GNAS: variants seen among roughly 807,000 people sequenced by gnomAD.
GNAS encodes the protein protein ALEX.
A neutral mutation model predicts 54.5 loss-of-function variants in GNAS; 8 were observed. That is an observed-to-expected ratio of 0.15 (90% CI 0.09 to 0.26). GNAS has a LOEUF of 0.26. Among genes scored for constraint, GNAS ranks in the 10% least tolerant of loss-of-function variants. GNAS has a pLI of 1.00. For missense variants in GNAS, 170 were observed against 529.8 expected (o/e 0.32, Z 6.67); for synonymous variants, 204 against 191.4 (o/e 1.07, Z -0.54).
chr20:58,843,503 T>G (rs2145489947), intron 1 of GNAS: 1 of 152,340 alleles, frequency 6.6e-6, no homozygotes, highest in East Asian at 1.9e-4. Flanking sequence ...CCTGCTCAAC[T>G]GGGGTTAGCA....
chr20:58,891,271 C>CCCTCCTCCT (rs1182454292), upstream of GNAS: 1 of 145,728 alleles, frequency 6.9e-6, no homozygotes, highest in South Asian at 1.9e-4. Flanking sequence ...CGCTCCTCGG[C>CCCTCCTCCT]CCTCCTCCTC....
chr20:58,901,921 C>G (rs1037802921), intron 3 of GNAS, among the ~76,000 whole-genome samples: 1 of 149,796 alleles, frequency 6.7e-6, no homozygotes, highest in Non-Finnish European at 1.5e-5. Context: ...CTCCCTTCGC[C>G]TTTCCTCTGC....
At chr20:58,859,919 C>T (rs544268114) in intron 1 of GNAS, among the ~76,000 whole-genome samples, 242 of 152,268 alleles carry the variant, frequency 1.6e-3, no homozygotes, top group African/African-American at 5.6e-3. Flanking sequence ...CCATCGCGCC[C>T]GGCCATAAGG....
chr20:58,871,641 A>T (rs918833726), intron 1 of GNAS, among the ~76,000 whole-genome samples: 17 of 150,568 alleles, frequency 1.1e-4, no homozygotes, highest in Non-Finnish European at 2.2e-4. Context: ...AAACAACAAA[A>T]AAAAAACCAA....
Position 58,903,804 on chromosome 20 carries a change from C to T in GNAS, c.432+13C>T. ...TGACTTCCCTCCCGTAAGCTACACCCCGACTTGTGTGGCCTTAGCCCCGCC... is the reference window on the plus strand; with the variant it reads ...TGACTTCCCTCCCGTAAGCTACACCTCGACTTGTGTGGCCTTAGCCCCGCC... On this transcript the variant is annotated intron_variant, in intron 5 of 12. Transcript: ENST00000371085. 3.1e-6 allele frequency: 5 copies of T among 1,613,942 alleles called. No homozygotes were observed. Among genetic ancestry groups the T allele is most frequent in the Non-Finnish European group, 4.2e-6 (5 of 1,179,914 alleles).
At chr20:58,885,293 G>A (rs1319983593) in intron 1 of GNAS, among the ~76,000 whole-genome samples, 2 of 152,132 alleles carry the variant, frequency 1.3e-5, no homozygotes, top group African/African-American at 2.4e-5. Context: ...GCTGCAAAAC[G>A]TCCTCTTTGC....
chr20:58,844,686 T>C (rs1488154579), intron 1 of GNAS, among the ~76,000 whole-genome samples: 1 of 10,434 alleles, frequency 9.6e-5, no homozygotes, highest in African/African-American at 2.4e-4. Context: ...ACACTAGTGA[T>C]TTAACCCTAA....
upstream of GNAS, among the ~76,000 whole-genome samples, chr20:58,891,092 C>A (rs932410706): frequency 7.4e-5 from 11 of 149,492 alleles, no homozygotes; most frequent in Admixed American, 3.9e-4. Context: ...CGCCCCCTCT[C>A]CCCCCTCGGC....
At chr20:58,850,418 T>C (rs2086111949) in intron 1 of GNAS, 1 of 397,506 alleles carries the variant, frequency 2.5e-6, no homozygotes. Flanking sequence ...CCTGAACCCG[T>C]TCCTCGACAA....
At position 58,841,511 on chromosome 20, in the gene GNAS, T is replaced by C; in HGVS notation, c.43+625T>C. The C allele has an allele frequency of 1.0e-6, 1 of 992,042 alleles. No individual in the cohort carries two copies. The highest frequency in any genetic ancestry group is 1.7e-5 in the African/African-American group (1 of 57,588). The allele number at this position is 992,042 out of a possible 1,614,324, so 61.5% of individuals were successfully genotyped here. On this transcript the variant is annotated intron_variant, in intron 1 of 12. Transcript: ENST00000306090. This position sits in a 1 kb window ranked among gnomAD's most constrained non-coding sequence, Gnocchi z 5.0. ...GAGCTGACAATTAAGCCGCGGGACC[T>C]CCGCGCCAGTGCCTCCAGCTGCCGT... is the stretch of plus-strand genomic sequence containing the variant.
Position 58,873,650 on chromosome 20 carries a change from G to A in GNAS, c.44-21962G>A, listed in dbSNP as rs1372946507. ...GCTCACGTGTCTGCCACGCCCCTTA[G>A]AAGGACGAATCCTTGCCTGGTCGGT... On this transcript the variant is annotated intron_variant, in intron 1 of 12. Coordinates refer to the GNAS transcript ENST00000306090. The surrounding 1 kb of genome is among the most constrained non-coding windows in gnomAD (Gnocchi z 4.3). 1.3e-5 allele frequency among the ~76,000 whole-genome samples: 2 copies of A among 152,192 alleles called. No homozygotes were observed. Among genetic ancestry groups the A allele is most frequent in the Non-Finnish European group, 2.9e-5 (2 of 68,034 alleles).
At chr20:58,895,710 G>C (rs561780731) in intron 2 of GNAS, 26 bp downstream of exon 2, 1 of 1,322,474 alleles carries the variant, frequency 7.6e-7, no homozygotes, top group African/African-American at 1.4e-5. Flanking sequence ...GTGCAGGGGG[G>C]CACCAAGTAA....
rs2085694866 is a variant in GNAS at position 58,840,943 on chromosome 20, T to G, written c.43+57T>G. The stretch of plus-strand genomic sequence containing the variant: ...GAGGGCGGTGTGGGAGCAGCGCAGG[T>G]GGAAAGGAGGTGAGAAGGAAAGGCA... On this transcript the variant is annotated intron_variant, in intron 1 of 12. Coordinates refer to the GNAS transcript ENST00000306090. The surrounding 1 kb of genome is among the most constrained non-coding windows in gnomAD (Gnocchi z 6.0). The G allele has an allele frequency of 6.4e-7, 1 of 1,571,924 alleles. No individual in the cohort carries two copies. The highest frequency in any genetic ancestry group is 1.4e-5 in the African/African-American group (1 of 73,644).
At chr20:58,891,016 G>A (rs956064529), upstream of GNAS, among the ~76,000 whole-genome samples, 2 of 150,928 alleles carry the variant, frequency 1.3e-5, no homozygotes, top group African/African-American at 4.9e-5. Context: ...CCTCGGGGGC[G>A]CCGGGCGACG....
At chr20:58,901,268 TC>T (rs2146124008) in intron 3 of GNAS, among the ~76,000 whole-genome samples, 1 of 152,292 alleles carries the variant, frequency 6.6e-6, no homozygotes, top group Non-Finnish European at 1.5e-5. Flanking sequence ...ATTTATAACA[TC>T]TAAATAATCG....
chr20:58,910,573 A>G lies in GNAS; in HGVS notation c.1039-110A>G. On this transcript the variant is annotated intron_variant, in intron 12 of 12. Transcript: ENST00000371085. The surrounding 1 kb of genome is among the most constrained non-coding windows in gnomAD (Gnocchi z 5.8). ...CGCCCCTCTTTTTGCTTTTGTTTTCATATGACATCAGAGGCTGGCTGACAG... is the reference window on the plus strand; with the variant it reads ...CGCCCCTCTTTTTGCTTTTGTTTTCGTATGACATCAGAGGCTGGCTGACAG... The G allele has an allele frequency of 7.3e-7, 1 of 1,374,828 alleles. No homozygotes were observed. Among genetic ancestry groups the G allele is most frequent in the South Asian group, 1.2e-5 (1 of 84,514 alleles). The allele number at this position is 1,374,828 out of a possible 1,614,324, so 85.2% of individuals were successfully genotyped here. A position where few individuals can be genotyped will look rare whatever the true frequency, so the allele number is the denominator to read the frequency against.
At chr20:58,898,786 G>GCGACCTAAGAATTGC in intron 2 of GNAS, 155 bp from the exon 3 acceptor site, 1 of 764,280 alleles carries the variant, frequency 1.3e-6, no homozygotes. Context: ...AGCCAGAAAG[G>GCGACCTAAGAATTGC]CGACCTAAGA....
chr20:58,890,435 G>T (rs1286251916), upstream of GNAS, among the ~76,000 whole-genome samples: 9 of 151,820 alleles, frequency 5.9e-5, no homozygotes. Context: ...TCGTGTGGCG[G>T]CCCGGGCCGC....
At chr20:58,890,587 C>A (rs1030730151), upstream of GNAS, 2 of 152,434 alleles carry the variant, frequency 1.3e-5, no homozygotes, top group Admixed American at 1.3e-4. Flanking sequence ...TTCGGGGCGA[C>A]CTGCTGCTTC....
Sources: gnomAD v4.1 joint callset for allele counts (sites outside exome capture counted in the v4.1 genomes callset) on GRCh38, gnomAD v4.1.1 for gene constraint, Gnocchi (gnomAD v3.1) non-coding constraint, MANE v1.5 for transcripts, NCBI Gene and HGNC (gene_info 2026-07-23, HGNC 2026-07-21) for gene names.